The following ADAMTS17 variants were observed in gnomAD, a reference collection of about 807,000 sequenced individuals.
ADAMTS17 encodes the protein A disintegrin and metalloproteinase with thrombospondin motifs 17.
Under a neutral mutation model 141.5 loss-of-function variants are expected in ADAMTS17, and 113 were observed. The observed-to-expected ratio is 0.80, with a 90% CI of 0.69 to 0.93. ADAMTS17 has a LOEUF of 0.93. Among genes scored for constraint, ADAMTS17 ranks in the 40% least tolerant of loss-of-function variants. The pLI is 0.00. For synonymous variants in ADAMTS17, 768 were observed against 630.6 expected (o/e 1.22, Z -3.27); for missense variants, 1,659 against 1,517.9 (o/e 1.09, Z -1.54).
chr15:100,078,553 A>G (rs548182370), intron 15 of ADAMTS17, among the ~76,000 whole-genome samples: 12 of 144,304 alleles, frequency 8.3e-5, no homozygotes, highest in South Asian at 4.2e-4. Context: ...TTCAGACCAT[A>G]CAAAAAAATT....
chr15:100,134,489 G>A (rs567102670), intron 10 of ADAMTS17, among the ~76,000 whole-genome samples: 1 of 152,164 alleles, frequency 6.6e-6, no homozygotes, highest in Non-Finnish European at 1.5e-5. Flanking sequence ...GTGTGGCCAG[G>A]GACCTGCTGC....
intron 3 of ADAMTS17, among the ~76,000 whole-genome samples, chr15:100,292,496 GAC>G (rs2044677624): frequency 6.6e-6 from 1 of 150,446 alleles, no homozygotes; most frequent in African/African-American, 2.5e-5. Flanking sequence ...AATTATGAGA[GAC>G]ACTCACCCCG....
intron 3 of ADAMTS17, among the ~76,000 whole-genome samples, chr15:100,319,409 C>T (rs757099079): frequency 2.6e-5 from 4 of 152,192 alleles, no homozygotes; most frequent in African/African-American, 7.2e-5. Context: ...TGAGCTGACA[C>T]TCCTCAAGAA....
chr15:100,324,794 C>G (rs1249169355), intron 3 of ADAMTS17, among the ~76,000 whole-genome samples: 1 of 152,142 alleles, frequency 6.6e-6, no homozygotes, highest in Admixed American at 6.5e-5. Flanking sequence ...GAATTATAAC[C>G]ACAGCAGCTG....
intron 7 of ADAMTS17, among the ~76,000 whole-genome samples, chr15:100,209,108 G>C (rs1208288479): frequency 2.9e-4 from 9 of 30,602 alleles, no homozygotes; most frequent in South Asian, 1.1e-3. Context: ...TATTTGCCAA[G>C]TTAGCAAAAA....
intron 15 of ADAMTS17, among the ~76,000 whole-genome samples, chr15:100,065,645 G>T (rs1477780131): frequency 6.6e-6 from 1 of 152,110 alleles, no homozygotes; most frequent in African/African-American, 2.4e-5. Context: ...TTTTCCCACC[G>T]AAAAAGATTG....
chr15:100,004,496 T>C (rs1415493773), intron 18 of ADAMTS17, among the ~76,000 whole-genome samples: 1 of 152,182 alleles, frequency 6.6e-6, no homozygotes, highest in African/African-American at 2.4e-5. Context: ...AAACAATTTA[T>C]ATTCCAATTA....
At position 100,153,369 on chromosome 15, in the gene ADAMTS17, G is replaced by A. The variant is rs949647896; in HGVS notation, c.1323-607C>T. On this transcript the variant is annotated intron_variant, in intron 9 of 21. Coordinates refer to ENST00000268070, the MANE Select transcript of ADAMTS17 (RefSeq NM_139057.4). ...AAAGAGTGAACTGGGGGCCGGGCTC[G>A]GGGGCTCACACCAGTAATCCCAGCA... Among the ~76,000 whole-genome samples, 29 of 152,032 alleles carry A rather than the reference G, an allele frequency of 1.9e-4. 1 individual carries two copies. The highest frequency in any genetic ancestry group is 4.3e-4 in the African/African-American group (18 of 41,386).
chr15:100,172,878 C>T (rs1024207615), intron 8 of ADAMTS17, among the ~76,000 whole-genome samples: 1 of 152,216 alleles, frequency 6.6e-6, no homozygotes, highest in African/African-American at 2.4e-5. Flanking sequence ...CTAATTTTTC[C>T]TTGAGGTACC....
intron 7 of ADAMTS17, among the ~76,000 whole-genome samples, chr15:100,209,929 A>C (rs1383382609): frequency 6.6e-5 from 10 of 152,226 alleles, no homozygotes; most frequent in Admixed American, 6.5e-4. Context: ...TCAAAGGTCA[A>C]GAAAAACAAA....
At chr15:100,042,036 C>T (rs1460853603) in intron 18 of ADAMTS17, among the ~76,000 whole-genome samples, 1 of 152,190 alleles carries the variant, frequency 6.6e-6, no homozygotes, top group African/African-American at 2.4e-5. Flanking sequence ...TTGGGCGCTT[C>T]TTCCAGGTTC....
chr15:100,084,407 C>A (rs1314273858), intron 15 of ADAMTS17, among the ~76,000 whole-genome samples: 1 of 152,224 alleles, frequency 6.6e-6, no homozygotes, highest in Non-Finnish European at 1.5e-5. Flanking sequence ...GTAGACTCCA[C>A]CTCTGGGGGC....
At chr15:100,219,701 G>A (rs546236054) in intron 7 of ADAMTS17, among the ~76,000 whole-genome samples, 1 of 152,308 alleles carries the variant, frequency 6.6e-6, no homozygotes, top group East Asian at 1.9e-4. Flanking sequence ...CAAGGAGAAA[G>A]CACAACAGCA....
At chr15:99,981,020 G>A (rs1399481724) in intron 20 of ADAMTS17, among the ~76,000 whole-genome samples, 3 of 152,174 alleles carry the variant, frequency 2.0e-5, no homozygotes, top group Admixed American at 6.5e-5. Context: ...GGCTGATGCC[G>A]GCCACTGAGG....
intron 8 of ADAMTS17, among the ~76,000 whole-genome samples, chr15:100,198,994 A>C (rs1442293473): frequency 6.6e-6 from 1 of 152,276 alleles, no homozygotes; most frequent in Non-Finnish European, 1.5e-5. Context: ...TAATAGACTT[A>C]GAGTGAATCA....
At chr15:100,144,968 A>G (rs888769253) in intron 10 of ADAMTS17, among the ~76,000 whole-genome samples, 20 of 152,178 alleles carry the variant, frequency 1.3e-4, no homozygotes, top group African/African-American at 1.4e-4. Flanking sequence ...TTACTTCTCT[A>G]TATTTCAGAA....
At chr15:100,207,314 T>C (rs562904174) in intron 7 of ADAMTS17, among the ~76,000 whole-genome samples, 14 of 152,318 alleles carry the variant, frequency 9.2e-5, no homozygotes, top group African/African-American at 3.4e-4. Flanking sequence ...AAACCAGTCC[T>C]ACTGGCACTG....
intron 18 of ADAMTS17, among the ~76,000 whole-genome samples, chr15:100,011,246 G>A (rs1192886063): frequency 7.6e-6 from 1 of 131,980 alleles, no homozygotes; most frequent in Non-Finnish European, 1.6e-5. Context: ...CATTTGCTGG[G>A]GAAAGAGACA....
chr15:100,086,671 C>T (rs530082275), intron 15 of ADAMTS17, among the ~76,000 whole-genome samples: 76 of 151,974 alleles, frequency 5.0e-4, no homozygotes, highest in African/African-American at 1.6e-3. Flanking sequence ...CAAACTAGAA[C>T]TCAGGATTAA....
Sources: gnomAD v4.1 joint callset for allele counts (sites outside exome capture counted in the v4.1 genomes callset) on GRCh38, gnomAD v4.1.1 for gene constraint, MANE v1.5 for transcripts, NCBI Gene and HGNC (gene_info 2026-07-23, HGNC 2026-07-21) for gene names.